Variants in RAP1GAP2 observed in about 807,000 individuals in gnomAD.
The protein encoded by RAP1GAP2 is rap1 GTPase-activating protein 2.
Under a neutral mutation model 95.0 loss-of-function variants are expected in RAP1GAP2, and 27 were observed. The observed-to-expected ratio is 0.28, with a 90% confidence interval of 0.21 to 0.39. RAP1GAP2 has a LOEUF of 0.39. Ranked by LOEUF, RAP1GAP2 falls within the 10% of genes least tolerant of loss-of-function variation. RAP1GAP2 has a pLI of 1.00. For synonymous variants in RAP1GAP2, 373 were observed against 380.9 expected (o/e 0.98, Z 0.24); for missense variants, 771 against 970.0 (o/e 0.79, Z 2.72).
chr17:2,926,538 T>C (rs1280830078), intron 3 of RAP1GAP2, among the ~76,000 whole-genome samples: 1 of 152,084 alleles, frequency 6.6e-6, no homozygotes. Flanking sequence ...GTGTCACAGT[T>C]CCTCCCTCCC....
chr17:2,930,892 G>C (rs1381990214), intron 3 of RAP1GAP2, among the ~76,000 whole-genome samples: 1 of 152,200 alleles, frequency 6.6e-6, no homozygotes, highest in East Asian at 1.9e-4. Context: ...GGGAGGCCGA[G>C]GCGGGCAGAT....
chr17:2,986,087 C>A (rs1184606380), intron 11 of RAP1GAP2, among the ~76,000 whole-genome samples: 1 of 152,120 alleles, frequency 6.6e-6, no homozygotes, highest in African/African-American at 2.4e-5. Context: ...AAAATGTTGG[C>A]CCTACTAATG....
Position 2,855,659 on chromosome 17 carries a change from C to T in RAP1GAP2, c.81-49625C>T, listed in dbSNP as rs1389749751. ...AGGAGTCTCACTCTGTTAGCCCAAG[C>T]TGGAGTACAGTGGCGCCATCTCGGC... On this transcript the variant is annotated intron_variant, in intron 2 of 24. Transcript: ENST00000254695. This position sits in a 1 kb window ranked among gnomAD's most constrained non-coding sequence, Gnocchi z 4.3. Among the ~76,000 whole-genome samples the T allele has an allele frequency of 1.3e-5, 2 of 152,174 alleles. No homozygotes were observed. Among genetic ancestry groups the T allele is most frequent in the African/African-American group, 4.8e-5 (2 of 41,452 alleles).
chr17:2,932,824 GA>G (rs937204237), intron 3 of RAP1GAP2, among the ~76,000 whole-genome samples: 57 of 114,916 alleles, frequency 5.0e-4, no homozygotes, highest in East Asian at 3.5e-3. Context: ...CTCAAAAAAA[GA>G]AAAAAAAAAA....
intron 2 of RAP1GAP2, among the ~76,000 whole-genome samples, chr17:2,889,887 A>ATTTTTT (rs1183050009): frequency 7.7e-5 from 3 of 38,732 alleles, no homozygotes; most frequent in Admixed American, 2.8e-4. Flanking sequence ...ATATATATAT[A>ATTTTTT]TATTTTTTTT....
intron 3 of RAP1GAP2, among the ~76,000 whole-genome samples, chr17:2,927,215 G>T (rs1429661543): frequency 6.6e-6 from 1 of 150,696 alleles, no homozygotes; most frequent in Non-Finnish European, 1.5e-5. Context: ...GTGCAGTGGC[G>T]CGATCTCGGC....
In RAP1GAP2 at chr17:2,867,158, C is replaced by G. The variant is rs1002501158; in HGVS notation, c.81-38126C>G. Among the ~76,000 whole-genome samples the G allele has an allele frequency of 5.9e-5, 9 of 152,206 alleles. No homozygotes were observed. The highest frequency in any genetic ancestry group is 2.0e-4 in the Admixed American group (3 of 15,276). On this transcript the variant is annotated intron_variant, in intron 2 of 24. Coordinates refer to ENST00000254695, the MANE Select transcript of RAP1GAP2 (RefSeq NM_015085.5). This position sits in a 1 kb window ranked among gnomAD's most constrained non-coding sequence, Gnocchi z 4.5. ...TCGTGATTCCCCTCACCTTGGCCTCCCAAAGTGCTGGGATTACAGGTGTGA... is the reference window on the plus strand; with the variant it reads ...TCGTGATTCCCCTCACCTTGGCCTCGCAAAGTGCTGGGATTACAGGTGTGA...
intron 2 of RAP1GAP2, among the ~76,000 whole-genome samples, chr17:2,826,572 G>A (rs561328678): frequency 2.6e-5 from 4 of 152,124 alleles, no homozygotes; most frequent in Non-Finnish European, 4.4e-5. Flanking sequence ...GATGGATTGC[G>A]GAAGGGAGGA....
At chr17:2,942,764 A>G (rs2043544124) in intron 3 of RAP1GAP2, among the ~76,000 whole-genome samples, 1 of 151,964 alleles carries the variant, frequency 6.6e-6, no homozygotes, top group Non-Finnish European at 1.5e-5. Flanking sequence ...TCTAATTCCA[A>G]TTTTTATTTT....
chr17:2,811,864 C>T (rs1460009160), intron 2 of RAP1GAP2, among the ~76,000 whole-genome samples: 1 of 151,968 alleles, frequency 6.6e-6, no homozygotes, highest in Non-Finnish European at 1.5e-5. Flanking sequence ...CAGGCGTGAG[C>T]CACTGCGCCT....
At chr17:2,769,437 C>T (rs1020963877) in intron 1 of RAP1GAP2, among the ~76,000 whole-genome samples, 7 of 150,948 alleles carry the variant, frequency 4.6e-5, no homozygotes, top group African/African-American at 1.7e-4. Flanking sequence ...CGCCTGTAGT[C>T]CCAGCTACTC....
rs149486352 is a variant in RAP1GAP2, at chr17:2,871,635, C to T, written c.81-33649C>T. 4.7e-4 allele frequency among the ~76,000 whole-genome samples: 71 copies of T among 152,250 alleles called. 1 individual carries two copies. The highest frequency in any genetic ancestry group is 1.6e-3 in the African/African-American group (65 of 41,550). On this transcript the variant is annotated intron_variant, in intron 2 of 24. Coordinates refer to ENST00000254695, the MANE Select transcript of RAP1GAP2 (RefSeq NM_015085.5). The surrounding 1 kb of genome is among the most constrained non-coding windows in gnomAD (Gnocchi z 5.0). ...GCCAGCACGGCGTGTTGGGTGAGCACGTGGACCCTCACCTTCATGCTGATT... is the reference window on the plus strand; with the variant it reads ...GCCAGCACGGCGTGTTGGGTGAGCATGTGGACCCTCACCTTCATGCTGATT...
intron 2 of RAP1GAP2, among the ~76,000 whole-genome samples, chr17:2,894,872 G>A (rs1021410154): frequency 6.6e-6 from 1 of 152,054 alleles, no homozygotes; most frequent in Non-Finnish European, 1.5e-5. Context: ...GTCTTCCCCT[G>A]GCCCCTCCCT....
Position 2,904,882 on chromosome 17 carries a change from AT to A in RAP1GAP2, c.81-391del, listed in dbSNP as rs200341493. On this transcript the variant is annotated intron_variant, in intron 2 of 24. Coordinates refer to ENST00000254695, the MANE Select transcript of RAP1GAP2 (RefSeq NM_015085.5). This position sits in a 1 kb window ranked among gnomAD's most constrained non-coding sequence, Gnocchi z 4.7. ...CTCCCAATTCTGGTTTCTGCATTGT[AT>A]TTTTTTTTTTAATTGGAAACGGAGT... Among the ~76,000 whole-genome samples, 37 of 147,280 alleles carry A rather than the reference AT, an allele frequency of 2.5e-4. No individual in the cohort carries two copies. The highest frequency in any genetic ancestry group is 3.6e-3 in the Middle Eastern group (1 of 278).
At chr17:2,854,058 C>T (rs2072019248) in intron 2 of RAP1GAP2, 1 of 985,314 alleles carries the variant, frequency 1.0e-6, no homozygotes, top group Middle Eastern at 5.2e-4. Context: ...CCGTGGTGCT[C>T]ATCGGACTCC....
At chr17:2,892,467 G>T (rs946065524) in intron 2 of RAP1GAP2, among the ~76,000 whole-genome samples, 1 of 152,110 alleles carries the variant, frequency 6.6e-6, no homozygotes, top group Non-Finnish European at 1.5e-5. Context: ...GGCTCAGATG[G>T]CTGGAGATGA....
intron 3 of RAP1GAP2, among the ~76,000 whole-genome samples, chr17:2,929,314 G>C (rs890455315): frequency 6.6e-6 from 1 of 152,220 alleles, no homozygotes; most frequent in Admixed American, 6.5e-5. Context: ...GGCTGTGGAG[G>C]GGGCAGGGCC....
At position 3,003,377 on chromosome 17, in the gene RAP1GAP2, CT is replaced by C. The variant is rs199645442; in HGVS notation, c.1201-1991del. On this transcript the variant is annotated intron_variant, in intron 14 of 24. Coordinates refer to ENST00000254695, the MANE Select transcript of RAP1GAP2 (RefSeq NM_015085.5). The surrounding 1 kb of genome is among the most constrained non-coding windows in gnomAD (Gnocchi z 4.1). ...CCAGGACTACCCCTTTCCCTCCCCC[CT>C]ATCCCTGCCTCCCTCTCCGGAAGTC... Among the ~76,000 whole-genome samples, 1,869 of 152,260 alleles carry C rather than the reference CT, an allele frequency of 0.012. 30 individuals carry two copies. Among genetic ancestry groups the C allele is most frequent in the African/African-American group, 0.041 (1,694 of 41,538 alleles).
intron 3 of RAP1GAP2, among the ~76,000 whole-genome samples, chr17:2,912,067 C>T (rs1488531491): frequency 2.0e-5 from 3 of 152,210 alleles, no homozygotes; most frequent in African/African-American, 7.2e-5. Flanking sequence ...ACCAGCAGAA[C>T]GTCTGGTTCC....
Sources: gnomAD v4.1 joint callset for allele counts (sites outside exome capture counted in the v4.1 genomes callset) on GRCh38, gnomAD v4.1.1 for gene constraint, Gnocchi (gnomAD v3.1) non-coding constraint, MANE v1.5 for transcripts, NCBI Gene and HGNC (gene_info 2026-07-23, HGNC 2026-07-21) for gene names.